The following STRN variants were observed in gnomAD, a reference collection of about 807,000 sequenced individuals.
The protein encoded by STRN is protein phosphatase 2 regulatory subunit B'''alpha.
Under a neutral mutation model 96.3 loss-of-function variants are expected in STRN, and 53 were observed. The observed-to-expected ratio is 0.55, with a 90% CI of 0.44 to 0.69. The LOEUF is 0.69. Among genes scored for constraint, STRN ranks in the 30% least tolerant of loss-of-function variants. STRN has a pLI of 0.00. For missense variants in STRN, 987 were observed against 963.9 expected (o/e 1.02, Z -0.32); for synonymous variants, 428 against 355.9 (o/e 1.20, Z -2.28).
intron 16 of STRN, 45 bp downstream of exon 16, chr2:36,850,955 T>TTC: frequency 1.3e-6 from 2 of 1,513,682 alleles, no homozygotes; most frequent in Non-Finnish European, 1.8e-6. Context: ...GGTAGGGATT[T>TTC]TTTTTTTTTG....
chr2:36,868,986 T>A (rs1173556738), intron 11 of STRN, among the ~76,000 whole-genome samples: 2 of 152,088 alleles, frequency 1.3e-5, no homozygotes, highest in Non-Finnish European at 2.9e-5. Context: ...CTAACTCATG[T>A]CTATCCATGC....
At chr2:36,900,301 TC>T (rs1669649254) in intron 5 of STRN, among the ~76,000 whole-genome samples, 1 of 152,216 alleles carries the variant, frequency 6.6e-6, no homozygotes, top group Non-Finnish European at 1.5e-5. Context: ...TTTTATTATC[TC>T]TACCGCCGTT....
At chr2:36,849,949 T>C in intron 16 of STRN, 149 bp from the exon 17 acceptor site, 1 of 730,118 alleles carries the variant, frequency 1.4e-6, no homozygotes, top group South Asian at 1.8e-5. Flanking sequence ...ACAACATGTC[T>C]CCCTCTTGCC....
intron 1 of STRN, among the ~76,000 whole-genome samples, chr2:36,947,530 C>T (rs933162290): frequency 1.2e-4 from 18 of 148,988 alleles, no homozygotes; most frequent in Non-Finnish European, 1.6e-4. Context: ...CTCAATTTTT[C>T]TTGATAACTC....
rs752359616 is a variant in STRN, at chr2:36,925,120, G to A, written c.323C>T (p.Ala108Val). Residue 108 changes from alanine (A) to valine (V), a missense_variant, in exon 2 of 18, where the codon GCT becomes GTT. Transcript: ENST00000263918. ...LVRRIKMLEYALKQERAKYHK... is the reference protein window; with the variant it reads ...LVRRIKMLEYVLKQERAKYHK... Reference sequence around the variant, plus strand: ...ACTGAATTACCTTTCCTGTTTAAGAGCATACTCCAACATTTTGATCCTCCT... The same window carrying A: ...ACTGAATTACCTTTCCTGTTTAAGAACATACTCCAACATTTTGATCCTCCT... The A allele has an allele frequency of 6.2e-7, 1 of 1,611,498 alleles. No homozygotes were observed. Among genetic ancestry groups the A allele is most frequent in the Admixed American group, 1.7e-5 (1 of 59,986 alleles).
chr2:36,946,919 G>A (rs1357966948), intron 1 of STRN, among the ~76,000 whole-genome samples: 2 of 150,078 alleles, frequency 1.3e-5, no homozygotes, highest in Admixed American at 1.3e-4. Flanking sequence ...TTTTTGAGAC[G>A]GATTCTAGCT....
intron 3 of STRN, among the ~76,000 whole-genome samples, chr2:36,906,549 T>C (rs1669826126): frequency 6.6e-6 from 1 of 152,074 alleles, no homozygotes; most frequent in African/African-American, 2.4e-5. Context: ...TGAGGAATGA[T>C]GGTAGAAGAG....
At position 36,857,957 on chromosome 2, in the gene STRN, G is replaced by A; in HGVS notation, c.1736C>T (p.Ala579Val). Residue 579 changes from alanine to valine, a missense_variant, in exon 14 of 18, where the codon GCA (alanine) becomes GTA (valine). Transcript: ENST00000263918. ...ACAGGACAACAAACGCTGATGTGCT[G>A]CACTATAAGCCAAACCCCAGACTGC... ...TDAVWGLAYS[A>V]AHQRLLSCSA... 6.2e-7 allele frequency: 1 copy of A among 1,613,528 alleles called. No individual in the cohort carries two copies. Among genetic ancestry groups the A allele is most frequent in the Admixed American group, 1.7e-5 (1 of 59,972 alleles).
intron 1 of STRN, among the ~76,000 whole-genome samples, chr2:36,958,005 C>T (rs979330742): frequency 2.0e-4 from 30 of 150,308 alleles, no homozygotes; most frequent in African/African-American, 7.3e-4. Context: ...CTGCAAGCTC[C>T]GCCTCCTGGG....
At chr2:36,952,052 C>T (rs532525632) in intron 1 of STRN, among the ~76,000 whole-genome samples, 1 of 151,640 alleles carries the variant, frequency 6.6e-6, no homozygotes, top group African/African-American at 2.4e-5. Flanking sequence ...AATACACACG[C>T]ACGCACACAC....
At chr2:36,861,453 C>T (rs921956666) in intron 12 of STRN, among the ~76,000 whole-genome samples, 200 bp from the exon 13 acceptor site, 3 of 152,126 alleles carry the variant, frequency 2.0e-5, no homozygotes, top group African/African-American at 7.2e-5. Context: ...GTCAGCAGGT[C>T]AAATCCAACC....
chr2:36,881,383 C>T (rs1669065079), intron 9 of STRN, among the ~76,000 whole-genome samples: 1 of 152,164 alleles, frequency 6.6e-6, no homozygotes, highest in Non-Finnish European at 1.5e-5. Context: ...CCACCTCAGC[C>T]TCCCAAAGTG....
intron 3 of STRN, among the ~76,000 whole-genome samples, chr2:36,907,501 T>C (rs1415195390): frequency 2.0e-5 from 3 of 151,826 alleles, no homozygotes; most frequent in Non-Finnish European, 4.4e-5. Flanking sequence ...TGAGCCGAGA[T>C]GATGCCACTG....
Position 36,908,587 on chromosome 2 carries a change from A to G in STRN, c.413-2969T>C, listed in dbSNP as rs182945385. Among the ~76,000 whole-genome samples, 244 of 152,308 alleles carry G rather than the reference A, an allele frequency of 1.6e-3. 1 individual carries two copies. The highest frequency in any genetic ancestry group is 5.7e-3 in the African/African-American group (238 of 41,570). On this transcript the variant is annotated intron_variant, in intron 3 of 17. Transcript: ENST00000263918. ...GGGTGACTTTTATGATATGTAAATT[A>G]TATCTTAATAAGAATCAAATAAGAA...
Position 36,905,619 on chromosome 2 carries a change from CT to C in STRN, c.413-2del. On this transcript the variant is annotated splice_acceptor_variant, in intron 3 of 17. Coordinates refer to ENST00000263918, the MANE Select transcript of STRN (RefSeq NM_003162.4). LOFTEE classifies it high-confidence loss of function. The stretch of plus-strand genomic sequence containing the variant: ...TGCACTTCTGTTTCATTACCTTCAT[CT>C]AGAAAACATTAAGTCATAATAAAAC... The C allele has an allele frequency of 6.2e-7, 1 of 1,612,606 alleles. No individual in the cohort carries two copies. Among genetic ancestry groups the C allele is most frequent in the Non-Finnish European group, 8.5e-7 (1 of 1,179,814 alleles).
Position 36,850,986 on chromosome 2 carries a change from T to A in STRN, c.2086+14A>T. 1.3e-6 allele frequency: 2 copies of A among 1,555,488 alleles called. No homozygotes were observed. The highest frequency in any genetic ancestry group is 1.7e-6 in the Non-Finnish European group (2 of 1,150,828). On this transcript the variant is annotated intron_variant, in intron 16 of 17. Coordinates refer to ENST00000263918, the MANE Select transcript of STRN (RefSeq NM_003162.4). Reference sequence around the variant, plus strand: ...TTTTGCTTTAATAAAAATCAATTCTTAATAAATTCTTACCTGTATTGTTAT... The same window carrying A: ...TTTTGCTTTAATAAAAATCAATTCTAAATAAATTCTTACCTGTATTGTTAT...
chr2:36,897,467 G>A (rs180732536), intron 6 of STRN, among the ~76,000 whole-genome samples: 36 of 146,682 alleles, frequency 2.5e-4, no homozygotes, highest in African/African-American at 6.2e-4. Flanking sequence ...AGACAGTCTC[G>A]CTCTGTCACC....
rs187713326 is a variant in STRN, at chr2:36,867,766, T to A, written c.1547+48A>T. 1.8e-4 allele frequency: 233 copies of A among 1,267,810 alleles called. No homozygotes were observed. In the African/African-American group the frequency reaches 3.3e-3, roughly 18 times the overall value. 78.5% of individuals were successfully genotyped at this position (1,267,810 alleles called of 1,614,324 possible). On this transcript the variant is annotated intron_variant, in intron 12 of 17. Transcript: ENST00000263918. ...AGAAAATAAAATATCCTAACCAGGC[T>A]ATTTTACAGAGATATCGGTTTAAAA...
intron 7 of STRN, among the ~76,000 whole-genome samples, chr2:36,890,663 T>C (rs1669370238): frequency 6.6e-6 from 1 of 151,880 alleles, no homozygotes; most frequent in African/African-American, 2.4e-5. Flanking sequence ...TTCATATTTT[T>C]AGTAGAGATG....
Sources: gnomAD v4.1 joint callset for allele counts (sites outside exome capture counted in the v4.1 genomes callset) on GRCh38, gnomAD v4.1.1 for gene constraint, MANE v1.5 for transcripts, NCBI Gene and HGNC (gene_info 2026-07-23, HGNC 2026-07-21) for gene names.